Variants in TF observed in about 807,000 individuals in gnomAD.
TF encodes the protein serotransferrin.
TF carries 55 observed loss-of-function variants against 82.4 expected under a neutral mutation model. The observed-to-expected ratio is 0.67, with a 90% confidence interval of 0.54 to 0.84. The LOEUF (loss-of-function observed/expected upper bound fraction) is 0.84, where lower values mean the gene tolerates loss of function less well. Among genes scored for constraint, TF ranks in the 40% least tolerant of loss-of-function variants. TF has a pLI of 0.00. For synonymous variants in TF, 332 were observed against 332.6 expected (o/e 1.00, Z 0.02); for missense variants, 737 against 868.4 (o/e 0.85, Z 1.90).
chr3:133,687,528 A>G, the TF span, among the ~76,000 whole-genome samples: 1 of 152,156 alleles, frequency 6.6e-6, no homozygotes, highest in East Asian at 1.9e-4. Flanking sequence ...TAGTTCCAAA[A>G]CATTTTCACC....
Position 133,788,050 on chromosome 3 carries a change from G to C in TF, c.*9430G>C, listed in dbSNP as rs967875588. 6.6e-6 allele frequency: 1 copy of C among 152,200 alleles called. No individual in the cohort carries two copies. Among genetic ancestry groups the C allele is most frequent in the African/African-American group, 2.4e-5 (1 of 41,440 alleles). The allele number at this position is 152,200 out of a possible 1,614,324, so 9.4% of individuals were successfully genotyped here. ...TCAGAATATTCCTATTTAGAAGACA[G>C]TTTAAGATAAACCATGTGTGTAGTT... On this transcript the variant is annotated 3_prime_UTR_variant, in exon 17 of 17. Coordinates refer to ENST00000402696, the MANE Select transcript of TF (RefSeq NM_001063.4).
chr3:133,671,483 GA>G, the TF span, among the ~76,000 whole-genome samples: 1 of 150,516 alleles, frequency 6.6e-6, no homozygotes, highest in African/African-American at 2.4e-5. Context: ...TGCCTTAAAA[GA>G]AAAAAAAAGG....
the TF span, among the ~76,000 whole-genome samples, chr3:133,722,752 T>C: frequency 8.0e-3 from 1,217 of 152,328 alleles, 38 homozygotes; most frequent in East Asian, 0.12. Context: ...CTAATTGTAG[T>C]TGTTTTTTAA....
chr3:133,778,738 G>A lies in TF; in HGVS notation c.*118G>A, dbSNP rs985326811. ...TAACCACGTCTGTCTTCACAGCTCTGTGTTGCCATGTGTGCTGAACAAAAA... is the reference window on the plus strand; with the variant it reads ...TAACCACGTCTGTCTTCACAGCTCTATGTTGCCATGTGTGCTGAACAAAAA... On this transcript the variant is annotated 3_prime_UTR_variant, in exon 17 of 17. Coordinates refer to ENST00000402696, the MANE Select transcript of TF (RefSeq NM_001063.4). The A allele has an allele frequency of 1.7e-5, 16 of 936,678 alleles. No individual in the cohort carries two copies. In the East Asian group the frequency reaches 4.2e-4, roughly 25 times the overall value. 58.0% of individuals were successfully genotyped at this position (936,678 alleles called of 1,614,324 possible). A position where few individuals can be genotyped will look rare whatever the true frequency, so the allele number is the denominator to read the frequency against.
chr3:133,666,167 A>G, the TF span, among the ~76,000 whole-genome samples: 4 of 152,044 alleles, frequency 2.6e-5, no homozygotes, highest in Non-Finnish European at 5.9e-5. Context: ...AAATGAATGT[A>G]CAATTTGCTT....
upstream of TF, chr3:133,746,374 G>C (rs1334562322): frequency 6.5e-7 from 1 of 1,537,044 alleles, no homozygotes; most frequent in Non-Finnish European, 8.8e-7. Context: ...ATAAAGGGAC[G>C]CGGGGCGCCG....
Position 133,748,409 on chromosome 3 carries a change from C to G in TF, c.44-3C>G, listed in dbSNP as rs1933565769. 4 of 1,613,956 alleles carry G rather than the reference C, an allele frequency of 2.5e-6. No individual in the cohort carries two copies. The South Asian group carries it at 4.4e-5, about 18-fold the overall frequency. The stretch of plus-strand genomic sequence containing the variant: ...CCTTCCACCTCTGGCCTCTCTCCCC[C>G]AGGGCTGTGTCTGGCTGTCCCTGAT... On this transcript the variant is annotated splice_region_variant and splice_polypyrimidine_tract_variant and intron_variant, in intron 1 of 16. Transcript: ENST00000402696.
chr3:133,721,775 T>A, the TF span, among the ~76,000 whole-genome samples: 4 of 152,244 alleles, frequency 2.6e-5, no homozygotes, highest in African/African-American at 7.2e-5. Flanking sequence ...CACTATTGGA[T>A]GCATATCTAC....
the TF span, among the ~76,000 whole-genome samples, chr3:133,664,279 T>C: frequency 1.3e-5 from 2 of 152,198 alleles, no homozygotes; most frequent in South Asian, 4.1e-4. Flanking sequence ...AATCTGAAGA[T>C]GCTCAAGTAC....
chr3:133,796,583 C>T lies in TF; in HGVS notation c.*17963C>T, dbSNP rs1442582043. ...GCTATTGAGCCCCTATGCTCAAGCC[C>T]TCTGCCACCCTGTGGAGTGTACTTT... On this transcript the variant is annotated 3_prime_UTR_variant, in exon 17 of 17. Coordinates refer to ENST00000402696, the MANE Select transcript of TF (RefSeq NM_001063.4). The T allele has an allele frequency of 6.6e-6, 1 of 152,214 alleles. No individual in the cohort carries two copies. The allele number at this position is 152,214 out of a possible 1,614,324, so 9.4% of individuals were successfully genotyped here.
the TF span, chr3:133,704,456 A>T: frequency 1.3e-5 from 2 of 154,480 alleles, no homozygotes; most frequent in African/African-American, 4.8e-5. Context: ...AGAAAAAAAA[A>T]GTCTCCCTCT....
At chr3:133,737,094 AAGAAG>A in the TF span, among the ~76,000 whole-genome samples, 3 of 152,218 alleles carry the variant, frequency 2.0e-5, no homozygotes, top group African/African-American at 7.2e-5. Context: ...GCAAATGCAA[AAGAAG>A]AGAAATCATA....
Position 133,784,486 on chromosome 3 carries a change from T to TAAC in TF, c.*5868_*5869insCAA. 7.7e-6 allele frequency: 1 copy of TAAC among 129,974 alleles called. No individual in the cohort carries two copies. The highest frequency in any genetic ancestry group is 2.8e-5 in the African/African-American group (1 of 36,030). 8.1% of individuals were successfully genotyped at this position (129,974 alleles called of 1,614,324 possible). Reference sequence around the variant, plus strand: ...TTTGTTAAAAAAATAATAATAATAATAATAATAATAATAATAATAATAGGA... The same window carrying TAAC: ...TTTGTTAAAAAAATAATAATAATAATAACAATAATAATAATAATAATAATAGGA... On this transcript the variant is annotated 3_prime_UTR_variant, in exon 17 of 17. Transcript: ENST00000402696.
the TF span, among the ~76,000 whole-genome samples, chr3:133,703,484 G>A: frequency 6.6e-6 from 1 of 152,146 alleles, no homozygotes; most frequent in East Asian, 1.9e-4. Context: ...TATAAAAGAG[G>A]GGAAATTCTA....
the TF span, among the ~76,000 whole-genome samples, chr3:133,681,562 A>C: frequency 6.6e-6 from 1 of 152,252 alleles, no homozygotes; most frequent in South Asian, 2.1e-4. Flanking sequence ...TATCCCACAC[A>C]TGGCTCAGAG....
At position 133,780,047 on chromosome 3, in the gene TF, C is replaced by G. The variant is rs769101528; in HGVS notation, c.*1427C>G. On this transcript the variant is annotated 3_prime_UTR_variant, in exon 17 of 17. Transcript: ENST00000402696. ...TTCTTTTCCTGACTCCTAACACAGCCTCATCTTATACTCAAATACAGAAGT... is the reference window on the plus strand; with the variant it reads ...TTCTTTTCCTGACTCCTAACACAGCGTCATCTTATACTCAAATACAGAAGT... The G allele has an allele frequency of 1.3e-5, 2 of 152,174 alleles. No individual in the cohort carries two copies. Among genetic ancestry groups the G allele is most frequent in the Non-Finnish European group, 2.9e-5 (2 of 68,036 alleles). 9.4% of individuals were successfully genotyped at this position (152,174 alleles called of 1,614,324 possible).
intron 10 of TF, among the ~76,000 whole-genome samples, 162 bp downstream of exon 10, chr3:133,764,437 A>G (rs1053371518): frequency 3.3e-5 from 5 of 152,144 alleles, no homozygotes; most frequent in Admixed American, 2.6e-4. Context: ...TCAAATCCCC[A>G]CAGTCATCTT....
intron 5 of TF, 108 bp from the exon 6 acceptor site, chr3:133,756,174 C>A: frequency 9.1e-7 from 1 of 1,095,176 alleles, no homozygotes; most frequent in Non-Finnish European, 1.4e-6. Context: ...TACGGGGCTG[C>A]ACCAGGCTCT....
the TF span, among the ~76,000 whole-genome samples, chr3:133,725,011 C>G: frequency 6.6e-6 from 1 of 152,226 alleles, no homozygotes; most frequent in Non-Finnish European, 1.5e-5. Context: ...TTCCATTGAT[C>G]TATATCTCTG....
Sources: gnomAD v4.1 joint callset for allele counts (sites outside exome capture counted in the v4.1 genomes callset) on GRCh38, gnomAD v4.1.1 for gene constraint, MANE v1.5 for transcripts, NCBI Gene and HGNC (gene_info 2026-07-23, HGNC 2026-07-21) for gene names.